The following MYO7A variants were observed in gnomAD, a reference collection of about 807,000 sequenced individuals.
MYO7A encodes the protein myosin VIIA, also known as unconventional myosin-VIIa.
Under a neutral mutation model 263.8 loss-of-function variants are expected in MYO7A, and 210 were observed. The ratio of observed to expected loss-of-function variants is 0.80; its 90% confidence interval spans 0.71 to 0.89. The LOEUF (loss-of-function observed/expected upper bound fraction) is 0.89, where lower values mean the gene tolerates loss of function less well. Among genes scored for constraint, MYO7A ranks in the 40% least tolerant of loss-of-function variants. The probability of loss-of-function intolerance (pLI) is 0.00; values close to 1 mark genes in which losing one functional copy is unlikely to be tolerated. For synonymous variants in MYO7A, 1,239 were observed against 1,197.3 expected, an observed-to-expected ratio of 1.03 and a Z score of -0.72; for missense variants, 2,820 against 2,968.3, an observed-to-expected ratio of 0.95 and a Z score of 1.16.
In MYO7A at chr11:77,198,653, C is replaced by T. The variant is rs368868806; in HGVS notation, c.4568+32C>T. On this transcript the variant is annotated intron_variant, in intron 34 of 48. Transcript: ENST00000409709. The stretch of plus-strand genomic sequence containing the variant: ...AGGCCCGCATGGAGATGCAGACAGA[C>T]AGAGGGGAAGGAGAGGGGCTGGAGC... The T allele has an allele frequency of 1.9e-6, 3 of 1,612,360 alleles. No individual in the cohort carries two copies. In the African/African-American group the frequency reaches 4.0e-5, roughly 22 times the overall value.
At chr11:77,173,445 C>T (rs1220120764) in intron 16 of MYO7A, among the ~76,000 whole-genome samples, 2 of 152,246 alleles carry the variant, frequency 1.3e-5, no homozygotes, top group African/African-American at 4.8e-5. Flanking sequence ...CCAGCATAGG[C>T]TGGATGGTCA....
chr11:77,175,307 A>T, intron 17 of MYO7A, 65 bp from the exon 18 acceptor site: 1 of 1,446,290 alleles, frequency 6.9e-7, no homozygotes, highest in African/African-American at 1.4e-5. Context: ...AGCCTCGGGG[A>T]CACTCCGGAG....
Position 77,174,781 on chromosome 11 carries a change from G to A in MYO7A, c.1961G>A (p.Arg654His), listed in dbSNP as rs41298143. The change falls in exon 17 of 49, where the codon CGC becomes CAC. Residue 654 changes from arginine to histidine, a missense_variant. Physicochemically the swap from Arg to His is conservative, Grantham distance 29 (BLOSUM62 0). Transcript: ENST00000409709. The part of the protein sequence containing the change: ...PMLFDRHLCV[R>H]QLRYSGMMET... ...CTGTTCGACCGGCACCTGTGCGTGC[G>A]CCAGCTGCGGTACTCAGGAATGATG... is the stretch of plus-strand genomic sequence containing the variant. 36 of 1,604,408 alleles carry A rather than the reference G, an allele frequency of 2.2e-5. No individual in the cohort carries two copies. The highest frequency in any genetic ancestry group is 2.7e-5 in the African/African-American group (2 of 74,874).
Position 77,205,548 on chromosome 11 carries a change from G to A in MYO7A, c.5567G>A (p.Arg1856His), listed in dbSNP as rs758292765. ...AACATCCTCCTGCCCCACGTGCAGC[G>A]CTTCCTGCAGTCCCGAAAGCACTGC... ...PSNILLPHVQ[R>H]FLQSRKHCPL... The change falls in exon 40 of 49, where the codon CGC becomes CAC. Residue 1856 changes from arginine to histidine, a missense_variant. By Grantham distance (29) the Arg-to-His change is conservative. Coordinates refer to ENST00000409709, the MANE Select transcript of MYO7A (RefSeq NM_000260.4). 14 of 1,611,700 alleles carry A rather than the reference G, an allele frequency of 8.7e-6. No homozygotes were observed. Among genetic ancestry groups the A allele is most frequent in the Middle Eastern group, 1.7e-4 (1 of 6,056 alleles).
rs781810309 is a variant in MYO7A, at chr11:77,156,624, G to A, written c.471-36G>A. ...TTCCAGTTGGTGGGGAGTCCCTGTG[G>A]GTTGTGACAGGTCCTGCCACTCCCT... On this transcript the variant is annotated intron_variant, in intron 5 of 48. Transcript: ENST00000409709. 5.0e-6 allele frequency: 8 copies of A among 1,610,430 alleles called. No homozygotes were observed. The African/African-American group carries it at 9.4e-5, about 19-fold the overall frequency.
chr11:77,155,512 A>T (rs559640725), intron 4 of MYO7A, among the ~76,000 whole-genome samples: 1 of 152,326 alleles, frequency 6.6e-6, no homozygotes, highest in African/African-American at 2.4e-5. Flanking sequence ...TCGCTCTAAA[A>T]GTTTGGGATA....
chr11:77,182,119 C>T lies in MYO7A; in HGVS notation c.3073C>T (p.Pro1025Ser). 7.4e-6 allele frequency: 12 copies of T among 1,613,452 alleles called. No individual in the cohort carries two copies. The highest frequency in any genetic ancestry group is 1.0e-5 in the Non-Finnish European group (12 of 1,179,878). ...HSYTRRPLKQ[P>S]LLYHDDEGDQ... The stretch of plus-strand genomic sequence containing the variant: ...CTACACCCGGCGGCCACTCAAACAG[C>T]CACTGCTCTACCATGACGACGAGGG... Residue 1025 changes from proline to serine, a missense_variant, in exon 24 of 49, where the codon CCA becomes TCA. Physicochemically the swap from Pro to Ser is moderately conservative, Grantham distance 74 (BLOSUM62 -1). Transcript: ENST00000409709.
chr11:77,141,279 CACTG>C (rs1284567943), intron 2 of MYO7A, among the ~76,000 whole-genome samples: 1 of 152,162 alleles, frequency 6.6e-6, no homozygotes, highest in African/African-American at 2.4e-5. Context: ...GTCTTGGACT[CACTG>C]AGTTCAGCCT....
chr11:77,143,376 A>G (rs1252248914), intron 3 of MYO7A, among the ~76,000 whole-genome samples: 2 of 152,242 alleles, frequency 1.3e-5, no homozygotes, highest in South Asian at 2.1e-4. Flanking sequence ...CTGACATCAC[A>G]TGAATCCACT....
At chr11:77,160,866 C>A (rs1591289734) in intron 11 of MYO7A, 107 bp from the exon 12 acceptor site, 1 of 1,355,396 alleles carries the variant, frequency 7.4e-7, no homozygotes, top group East Asian at 2.5e-5. Context: ...TCACACGGCA[C>A]TTTGTTCCAC....
At chr11:77,145,557 C>T (rs1555053194) in intron 3 of MYO7A, among the ~76,000 whole-genome samples, 1 of 152,164 alleles carries the variant, frequency 6.6e-6, no homozygotes, top group African/African-American at 2.4e-5. Context: ...CACACTGGGG[C>T]CTGGGACAGA....
Position 77,177,932 on chromosome 11 carries a change from C to G in MYO7A, c.2282+289C>G, listed in dbSNP as rs147161274. On this transcript the variant is annotated intron_variant, in intron 19 of 48. Coordinates refer to ENST00000409709, the MANE Select transcript of MYO7A (RefSeq NM_000260.4). ...GAGACTCACATGTGGACCCACTGTT[C>G]ATGTCAGATGCTGATGAAATTTTGC... is the stretch of plus-strand genomic sequence containing the variant. Among the ~76,000 whole-genome samples the G allele has an allele frequency of 3.8e-4, 58 of 152,180 alleles. 1 individual carries two copies. The highest frequency in any genetic ancestry group is 1.4e-3 in the African/African-American group (57 of 41,506).
Position 77,179,042 on chromosome 11 carries a change from C to A in MYO7A, c.2283-3C>A. The A allele has an allele frequency of 6.2e-7, 1 of 1,601,856 alleles. No homozygotes were observed. Among genetic ancestry groups the A allele is most frequent in the South Asian group, 1.1e-5 (1 of 88,628 alleles). Reference sequence around the variant, plus strand: ...CTCACCCGCGCCACTACTGCTGTTTCAGGTCTAACTTTCTGAAGCTGAAGA... The same window carrying A: ...CTCACCCGCGCCACTACTGCTGTTTAAGGTCTAACTTTCTGAAGCTGAAGA... On this transcript the variant is annotated splice_polypyrimidine_tract_variant and splice_region_variant and intron_variant, in intron 19 of 48. Coordinates refer to ENST00000409709, the MANE Select transcript of MYO7A (RefSeq NM_000260.4).
chr11:77,130,679 C>T (rs1254725150), intron 2 of MYO7A, 27 bp downstream of exon 2: 5 of 1,611,238 alleles, frequency 3.1e-6, no homozygotes, highest in South Asian at 1.1e-5. Flanking sequence ...CTTTGGGTGG[C>T]CTGTCCTCCC....
intron 4 of MYO7A, among the ~76,000 whole-genome samples, chr11:77,154,944 C>T (rs980008627): frequency 1.3e-5 from 2 of 152,138 alleles, no homozygotes; most frequent in Middle Eastern, 3.2e-3. Flanking sequence ...GGCATAGCTG[C>T]GGCTCTGCTG....
rs373089701 is a variant in MYO7A at position 77,181,443 on chromosome 11, C to T, written c.2758C>T (p.Arg920Trp). The change falls in exon 23 of 49, where the codon CGG (arginine) becomes TGG (tryptophan). Residue 920 changes from arginine to tryptophan, a missense_variant. Coordinates refer to ENST00000409709, the MANE Select transcript of MYO7A (RefSeq NM_000260.4). Reference protein sequence around the residue: ...ERELKEKEAARRKKELLEQME... With the variant: ...ERELKEKEAAWRKKELLEQME... ...GGAGCTGAAGGAGAAGGAGGCCGCT[C>T]GGCGGAAGAAGGAGCTCCTGGAGCA... is the stretch of plus-strand genomic sequence containing the variant. 9.3e-6 allele frequency: 15 copies of T among 1,604,282 alleles called. No homozygotes were observed. The highest frequency in any genetic ancestry group is 1.1e-5 in the South Asian group (1 of 89,360).
At chr11:77,211,726 G>A in intron 45 of MYO7A, 95 bp from the exon 46 acceptor site, 3 of 911,818 alleles carry the variant, frequency 3.3e-6, no homozygotes, top group Non-Finnish European at 3.5e-6. Context: ...AGTGGGCAGG[G>A]GTGGTGTGGG....
chr11:77,201,636 G>A lies in MYO7A; in HGVS notation c.5041G>A (p.Val1681Met), dbSNP rs1957071716. 6.2e-7 allele frequency: 1 copy of A among 1,612,502 alleles called. No homozygotes were observed. The highest frequency in any genetic ancestry group is 1.7e-5 in the Admixed American group (1 of 59,980). The change falls in exon 36 of 49, where the codon GTG (valine) becomes ATG (methionine). Residue 1681 changes from valine to methionine, a missense_variant and splice_region_variant. Transcript: ENST00000409709. The stretch of plus-strand genomic sequence containing the variant: ...TGTCACCATGCCACCGCGGGAGATT[G>A]TGGTATGTGGCCTGGGGGTGGCAGA... ...PTVTMPPREI[V>M]ALVTMTPDQR...
intron 27 of MYO7A, among the ~76,000 whole-genome samples, chr11:77,188,795 A>G (rs1056664448): frequency 1.3e-5 from 2 of 152,232 alleles, no homozygotes; most frequent in East Asian, 1.9e-4. Context: ...AAAGTCATAC[A>G]TGGCCCCTTA....
Sources: allele counts gnomAD v4.1 joint callset (sites outside exome capture counted in the v4.1 genomes callset), GRCh38; gene constraint gnomAD v4.1.1; transcripts MANE v1.5; gene names NCBI Gene and HGNC (gene_info 2026-07-23, HGNC 2026-07-21).